The following OLFM3 variants were observed in gnomAD, a reference collection of about 807,000 sequenced individuals.
OLFM3 encodes noelin-3.
Under a neutral mutation model 48.6 loss-of-function variants are expected in OLFM3, and 20 were observed. The observed-to-expected ratio is 0.41, with a 90% CI of 0.29 to 0.60. The LOEUF (loss-of-function observed/expected upper bound fraction) is 0.60, where lower values mean the gene tolerates loss of function less well. OLFM3 is among the 20% of genes least tolerant of loss of function. The pLI is 0.28. For missense variants in OLFM3, 437 were observed against 544.3 expected, an observed-to-expected ratio of 0.80 and a Z score of 1.96; for synonymous variants, 222 against 198.1, an observed-to-expected ratio of 1.12 and a Z score of -1.01.
At chr1:101,806,626 A>G (rs1401749117) in intron 4 of OLFM3, among the ~76,000 whole-genome samples, 1 of 151,762 alleles carries the variant, frequency 6.6e-6, no homozygotes, top group Non-Finnish European at 1.5e-5. Flanking sequence ...AACACTACCA[A>G]TTGATTTTCA....
intron 4 of OLFM3, among the ~76,000 whole-genome samples, chr1:101,818,865 A>G (rs1654465949): frequency 1.3e-5 from 2 of 152,092 alleles, no homozygotes; most frequent in South Asian, 2.1e-4. Context: ...TGATTTTACA[A>G]ATCAAATTTG....
chr1:101,817,334 T>C (rs1188855212), intron 4 of OLFM3, among the ~76,000 whole-genome samples: 3 of 152,146 alleles, frequency 2.0e-5, no homozygotes, highest in Admixed American at 1.3e-4. Context: ...CAGTAAGATA[T>C]GAAAACATTA....
intron 4 of OLFM3, among the ~76,000 whole-genome samples, chr1:101,822,104 C>A (rs751767858): frequency 7.2e-5 from 11 of 151,896 alleles, no homozygotes; most frequent in Non-Finnish European, 1.3e-4. Context: ...CTATCTTTGT[C>A]CAAAATATCG....
At chr1:101,870,295 A>G (rs1302057509) in intron 1 of OLFM3, among the ~76,000 whole-genome samples, 1 of 152,138 alleles carries the variant, frequency 6.6e-6, no homozygotes, top group Admixed American at 6.5e-5. Context: ...TTTTTCCATA[A>G]TTCATCAATA....
rs1480124060 is a variant in OLFM3, at chr1:101,804,059, G to C, written c.*179C>G. 2.0e-6 allele frequency: 1 copy of C among 495,678 alleles called. No individual in the cohort carries two copies. Among genetic ancestry groups the C allele is most frequent in the African/African-American group, 2.0e-5 (1 of 49,906 alleles). 30.7% of individuals were successfully genotyped at this position (495,678 alleles called of 1,614,324 possible). On this transcript the variant is annotated 3_prime_UTR_variant, in exon 6 of 6. Coordinates refer to ENST00000370103, the MANE Select transcript of OLFM3 (RefSeq NM_058170.4). The surrounding 1 kb of genome is among the most constrained non-coding windows in gnomAD (Gnocchi z 4.5). ...CTTGTAAATTTAGAAGTTAAGATGT[G>C]TTTCCAACATGGTAAGTTAGACAAG...
At chr1:101,838,627 A>C (rs1197183133) in intron 1 of OLFM3, among the ~76,000 whole-genome samples, 1 of 152,072 alleles carries the variant, frequency 6.6e-6, no homozygotes, top group Non-Finnish European at 1.5e-5. Context: ...TTCCATTAAA[A>C]AGTTCTTTTC....
chr1:101,990,514 T>C (rs1285881411), intron 1 of OLFM3, among the ~76,000 whole-genome samples: 1 of 152,192 alleles, frequency 6.6e-6, no homozygotes, highest in Non-Finnish European at 1.5e-5. Context: ...TTATATTATT[T>C]CATTGTTATG....
In OLFM3 at chr1:101,950,826, C is replaced by T. The variant is rs187987135; in HGVS notation, c.69+45922G>A. On this transcript the variant is annotated intron_variant, in intron 1 of 5. Transcript: ENST00000370103. ...AGGGCTTTGTCTGCTTTATTCATTG[C>T]TATATTCCTTACAAAAGTGCCAAGC... 8.1e-4 allele frequency among the ~76,000 whole-genome samples: 124 copies of T among 152,208 alleles called. 3 individuals carry two copies. The highest frequency in any genetic ancestry group is 1.0e-4 in the Non-Finnish European group (7 of 68,002).
intron 1 of OLFM3, among the ~76,000 whole-genome samples, chr1:101,948,510 A>AT (rs1307543199): frequency 3.3e-5 from 5 of 151,588 alleles, no homozygotes; most frequent in South Asian, 2.1e-4. Flanking sequence ...TGTTTAGGTA[A>AT]TTTTTTTTGC....
chr1:101,825,726 T>C (rs902162996), intron 3 of OLFM3, among the ~76,000 whole-genome samples: 1 of 152,220 alleles, frequency 6.6e-6, no homozygotes, highest in African/African-American at 2.4e-5. Flanking sequence ...ATGGGGCACA[T>C]ACAGAAAATT....
chr1:101,890,213 C>T (rs770925169), intron 1 of OLFM3, among the ~76,000 whole-genome samples: 30 of 151,938 alleles, frequency 2.0e-4, no homozygotes, highest in Non-Finnish European at 3.8e-4. Flanking sequence ...AAAATTATGT[C>T]TTTCAAAGAG....
intron 1 of OLFM3, among the ~76,000 whole-genome samples, chr1:101,840,418 A>T (rs993866680): frequency 6.6e-6 from 1 of 152,108 alleles, no homozygotes; most frequent in African/African-American, 2.4e-5. Flanking sequence ...AGATTTGTGT[A>T]AATCTGCCTT....
At chr1:101,939,005 C>G (rs573223005) in intron 1 of OLFM3, among the ~76,000 whole-genome samples, 35 of 152,154 alleles carry the variant, frequency 2.3e-4, no homozygotes, top group African/African-American at 7.5e-4. Context: ...GTCTTAATTT[C>G]AGTATCTTTT....
chr1:101,964,936 T>C (rs1229088507), intron 1 of OLFM3, among the ~76,000 whole-genome samples: 1 of 152,220 alleles, frequency 6.6e-6, no homozygotes, highest in Non-Finnish European at 1.5e-5. Flanking sequence ...TGTCCTGTCA[T>C]GTGGGTAAAG....
intron 1 of OLFM3, among the ~76,000 whole-genome samples, chr1:101,928,486 AG>A (rs1223600698): frequency 2.0e-5 from 3 of 152,148 alleles, no homozygotes; most frequent in African/African-American, 7.2e-5. Context: ...CAGTCTACCC[AG>A]TAACACTAGC....
chr1:101,996,513 T>C (rs1434871011), intron 1 of OLFM3, among the ~76,000 whole-genome samples: 4 of 152,120 alleles, frequency 2.6e-5, no homozygotes, highest in Admixed American at 2.6e-4. Context: ...CCGCTGCCCA[T>C]GCACATTATA....
intron 1 of OLFM3, among the ~76,000 whole-genome samples, chr1:101,934,802 A>G (rs1012091701): frequency 2.0e-5 from 3 of 152,130 alleles, no homozygotes; most frequent in Admixed American, 2.0e-4. Context: ...ACAGAAATCA[A>G]TACTAAGAAA....
At chr1:101,923,609 T>C (rs1320101358) in intron 1 of OLFM3, among the ~76,000 whole-genome samples, 1 of 151,992 alleles carries the variant, frequency 6.6e-6, no homozygotes, top group Non-Finnish European at 1.5e-5. Context: ...AAAATGTATA[T>C]GGATTTTTTT....
intron 1 of OLFM3, among the ~76,000 whole-genome samples, chr1:101,889,993 C>T (rs1257019255): frequency 2.6e-5 from 4 of 151,590 alleles, no homozygotes; most frequent in Admixed American, 6.6e-5. Flanking sequence ...TTGAAAATAC[C>T]CAAAAAATTC....
Sources: allele counts gnomAD v4.1 joint callset (sites outside exome capture counted in the v4.1 genomes callset), GRCh38; gene constraint gnomAD v4.1.1; non-coding constraint Gnocchi (gnomAD v3.1); transcripts MANE v1.5; gene names NCBI Gene and HGNC (gene_info 2026-07-23, HGNC 2026-07-21).